The following TRDN variants were observed in gnomAD, a reference collection of about 807,000 sequenced individuals.
The protein encoded by TRDN is triadin in skeletal muscle.
TRDN carries 161 observed loss-of-function variants against 149.7 expected under a neutral mutation model. That is an observed-to-expected ratio of 1.08 (90% CI 0.95 to 1.23). TRDN has a LOEUF of 1.23. Among genes scored for constraint, TRDN ranks in the 50% most tolerant of loss-of-function variants. The pLI is 0.00. For synonymous variants in TRDN, 294 were observed against 250.5 expected (o/e 1.17, Z -1.64); for missense variants, 896 against 823.5 (o/e 1.09, Z -1.08).
chr6:123,536,167 ATCT>A (rs1177421596), intron 4 of TRDN, among the ~76,000 whole-genome samples: 8 of 152,166 alleles, frequency 5.3e-5, no homozygotes, highest in Admixed American at 1.3e-4. Context: ...TGTGAATGCC[ATCT>A]ATTATTATTA....
rs73770164 is a variant in TRDN at position 123,542,636 on chromosome 6, A to T, written c.424+4704T>A. Among the ~76,000 whole-genome samples, 488 of 152,338 alleles carry T rather than the reference A, an allele frequency of 3.2e-3. 2 individuals carry two copies. Among genetic ancestry groups the T allele is most frequent in the African/African-American group, 0.011 (475 of 41,588 alleles). On this transcript the variant is annotated intron_variant, in intron 4 of 40. Coordinates refer to ENST00000334268, the MANE Select transcript of TRDN (RefSeq NM_006073.4). ...GTAAAAAGGAGATAGAGATAGGTGTATCTGTTAAGTTGCACTTAAAAGTGT... is the reference window on the plus strand; with the variant it reads ...GTAAAAAGGAGATAGAGATAGGTGTTTCTGTTAAGTTGCACTTAAAAGTGT...
chr6:123,587,860 G>A (rs570609549), intron 1 of TRDN, among the ~76,000 whole-genome samples: 13 of 152,228 alleles, frequency 8.5e-5, no homozygotes, highest in East Asian at 3.9e-4. Context: ...AATTTCACAA[G>A]ACAATGTCAT....
In TRDN at chr6:123,566,458, C is replaced by T. The variant is rs547074021; in HGVS notation, c.232+4465G>A. On this transcript the variant is annotated intron_variant, in intron 2 of 40. Coordinates refer to ENST00000334268, the MANE Select transcript of TRDN (RefSeq NM_006073.4). ...AAAATAGGGGGAATTGTAAAGGTTG[C>T]CCAGAAGAGAATTATTCTTCTCAAT... 4.6e-5 allele frequency among the ~76,000 whole-genome samples: 7 copies of T among 152,198 alleles called. No homozygotes were observed. In the East Asian group the frequency reaches 1.4e-3, roughly 29 times the overall value.
intron 38 of TRDN, among the ~76,000 whole-genome samples, chr6:123,230,380 C>T (rs2114520005): frequency 6.6e-6 from 1 of 151,820 alleles, no homozygotes; most frequent in South Asian, 2.1e-4. Flanking sequence ...CACACCGGGG[C>T]CTGTCTTGCG....
chr6:123,294,906 A>C (rs1778141040), intron 24 of TRDN, among the ~76,000 whole-genome samples: 2 of 152,162 alleles, frequency 1.3e-5, no homozygotes, highest in Non-Finnish European at 2.9e-5. Flanking sequence ...TTACTCCTCC[A>C]GTGCTAGGCA....
chr6:123,374,544 A>G (rs1239705244), intron 19 of TRDN, among the ~76,000 whole-genome samples: 1 of 152,262 alleles, frequency 6.6e-6, no homozygotes, highest in East Asian at 1.9e-4. Context: ...AAAGTTCTCA[A>G]TGTCTATGTG....
intron 12 of TRDN, among the ~76,000 whole-genome samples, chr6:123,398,131 A>G (rs1214624921): frequency 5.9e-5 from 9 of 152,196 alleles, no homozygotes; most frequent in Non-Finnish European, 1.2e-4. Flanking sequence ...CAGCCTCCTG[A>G]GTAGCCGGGA....
chr6:123,453,187 T>G (rs1354417912), intron 10 of TRDN, among the ~76,000 whole-genome samples: 2 of 152,032 alleles, frequency 1.3e-5, no homozygotes, highest in Non-Finnish European at 2.9e-5. Flanking sequence ...TAGACATTCA[T>G]TGCCTTAGGC....
intron 1 of TRDN, among the ~76,000 whole-genome samples, chr6:123,576,631 T>C (rs1326675766): frequency 6.6e-6 from 1 of 152,062 alleles, no homozygotes; most frequent in Non-Finnish European, 1.5e-5. Flanking sequence ...TCCACCTTCC[T>C]GCCCTAATCA....
At chr6:123,568,099 A>G (rs540826679) in intron 2 of TRDN, among the ~76,000 whole-genome samples, 2 of 152,230 alleles carry the variant, frequency 1.3e-5, no homozygotes, top group Non-Finnish European at 2.9e-5. Context: ...AGCCAAAGGA[A>G]AGGAGCTAAG....
intron 1 of TRDN, among the ~76,000 whole-genome samples, chr6:123,599,517 T>C (rs114729420): frequency 1.0e-3 from 153 of 152,248 alleles, no homozygotes; most frequent in African/African-American, 3.5e-3. Flanking sequence ...ATACTGTTTT[T>C]AATGCATTCA....
chr6:123,556,812 C>A (rs992853166), intron 2 of TRDN, among the ~76,000 whole-genome samples: 5 of 152,072 alleles, frequency 3.3e-5, no homozygotes, highest in African/African-American at 1.2e-4. Flanking sequence ...TCACAAAATT[C>A]ATATGTTGAC....
chr6:123,245,310 A>G (rs1776132288), intron 38 of TRDN, among the ~76,000 whole-genome samples: 1 of 152,026 alleles, frequency 6.6e-6, no homozygotes, highest in Non-Finnish European at 1.5e-5. Flanking sequence ...TAAATTGGAT[A>G]GAGTCAAGAC....
chr6:123,431,355 A>G (rs1157291104), intron 12 of TRDN, among the ~76,000 whole-genome samples: 1 of 152,196 alleles, frequency 6.6e-6, no homozygotes, highest in Non-Finnish European at 1.5e-5. Flanking sequence ...ATATAAAATA[A>G]TACAACTGCC....
At chr6:123,585,114 G>A (rs1265387691) in intron 1 of TRDN, among the ~76,000 whole-genome samples, 2 of 149,668 alleles carry the variant, frequency 1.3e-5, no homozygotes, top group Non-Finnish European at 3.0e-5. Context: ...CAAGGAGGGA[G>A]TAGAGGTATC....
At chr6:123,373,105 G>A (rs1781381242) in intron 19 of TRDN, among the ~76,000 whole-genome samples, 1 of 152,120 alleles carries the variant, frequency 6.6e-6, no homozygotes, top group Non-Finnish European at 1.5e-5. Context: ...TGAAGCTCAT[G>A]TTACTATGAG....
chr6:123,574,513 A>G (rs1003404766), intron 1 of TRDN, among the ~76,000 whole-genome samples: 1 of 151,968 alleles, frequency 6.6e-6, no homozygotes, highest in African/African-American at 2.4e-5. Context: ...TGGGGCTACA[A>G]GTGAATCAAA....
intron 12 of TRDN, among the ~76,000 whole-genome samples, chr6:123,419,007 T>G (rs1323113768): frequency 1.3e-5 from 2 of 152,094 alleles, no homozygotes; most frequent in South Asian, 4.1e-4. Flanking sequence ...CTAGAGATGC[T>G]GTTTCAAGAT....
At chr6:123,543,838 G>T (rs1282934927) in intron 4 of TRDN, among the ~76,000 whole-genome samples, 1 of 151,916 alleles carries the variant, frequency 6.6e-6, no homozygotes, top group Non-Finnish European at 1.5e-5. Context: ...ACATTTGGAA[G>T]GTTTTCATCT....
Sources: allele counts gnomAD v4.1 joint callset (sites outside exome capture counted in the v4.1 genomes callset), GRCh38; gene constraint gnomAD v4.1.1; transcripts MANE v1.5; gene names NCBI Gene and HGNC (gene_info 2026-07-23, HGNC 2026-07-21).